MUSK: variants seen among roughly 807,000 people sequenced by gnomAD.
MUSK encodes the protein muscle associated receptor tyrosine kinase, also known as muscle, skeletal receptor tyrosine-protein kinase.
Under a neutral mutation model 88.7 loss-of-function variants are expected in MUSK, and 55 were observed. That is an observed-to-expected ratio of 0.62 (90% CI 0.50 to 0.78). The LOEUF is 0.78. MUSK is among the 30% of genes least tolerant of loss of function. The pLI, the probability that MUSK is intolerant of heterozygous loss-of-function variation, is 0.00. For missense variants in MUSK, 1,015 were observed against 1,074.3 expected, an observed-to-expected ratio of 0.94 and a Z score of 0.77; for synonymous variants, 387 against 391.9, an observed-to-expected ratio of 0.99 and a Z score of 0.15.
At chr9:110,722,400 C>T (rs538775510) in intron 5 of MUSK, among the ~76,000 whole-genome samples, 1 of 151,746 alleles carries the variant, frequency 6.6e-6, no homozygotes, top group Non-Finnish European at 1.5e-5. Flanking sequence ...TGTGGTGGTA[C>T]GTGCCTGTAG....
At position 110,755,921 on chromosome 9, in the gene MUSK, C is replaced by CAAATATATATACATAT. The variant is rs1554750736; in HGVS notation, c.914-6280_914-6279insAATATATATACATATA. On this transcript the variant is annotated intron_variant, in intron 7 of 14. Coordinates refer to ENST00000374448, the MANE Select transcript of MUSK (RefSeq NM_005592.4). ...AAGGTACATTCTCAGTGCCCAGTGC[C>CAAATATATATACATAT]ATATATATATACATATATATATATA... 6.2e-3 allele frequency among the ~76,000 whole-genome samples: 674 copies of CAAATATATATACATAT among 107,956 alleles called. 10 individuals are homozygous for CAAATATATATACATAT. The highest frequency in any genetic ancestry group is 0.02 in the Middle Eastern group (4 of 198). 70.8% of individuals were successfully genotyped at this position (107,956 alleles called of 152,430 possible). A position where few individuals can be genotyped will look rare whatever the true frequency, so the allele number is the denominator to read the frequency against.
At chr9:110,782,510 AAACT>A (rs1225360706) in intron 11 of MUSK, among the ~76,000 whole-genome samples, 3 of 152,218 alleles carry the variant, frequency 2.0e-5, no homozygotes, top group African/African-American at 4.8e-5. Flanking sequence ...CTTTTTAGAA[AAACT>A]AACCTTATAT....
At chr9:110,781,617 G>A (rs1314020465) in intron 11 of MUSK, among the ~76,000 whole-genome samples, 1 of 152,120 alleles carries the variant, frequency 6.6e-6, no homozygotes, top group Non-Finnish European at 1.5e-5. Flanking sequence ...ATAACAAAAT[G>A]CCACAGACTG....
At chr9:110,686,031 A>G (rs537743190) in intron 2 of MUSK, among the ~76,000 whole-genome samples, 26 of 152,258 alleles carry the variant, frequency 1.7e-4, no homozygotes, top group Non-Finnish European at 2.8e-4. Context: ...ACATAAACGT[A>G]CTATGTTACA....
At chr9:110,712,243 T>C (rs535930380) in intron 5 of MUSK, among the ~76,000 whole-genome samples, 3 of 152,214 alleles carry the variant, frequency 2.0e-5, no homozygotes, top group African/African-American at 7.2e-5. Flanking sequence ...CTATAGTAAG[T>C]ACTGTGTACT....
intron 5 of MUSK, among the ~76,000 whole-genome samples, chr9:110,711,317 G>A (rs942089740): frequency 6.6e-6 from 1 of 152,200 alleles, no homozygotes; most frequent in Non-Finnish European, 1.5e-5. Context: ...GGAGCTTCCT[G>A]CCAGCCTGGG....
intron 11 of MUSK, among the ~76,000 whole-genome samples, chr9:110,780,081 C>T (rs746096472): frequency 1.3e-5 from 2 of 152,124 alleles, no homozygotes; most frequent in Non-Finnish European, 2.9e-5. Context: ...TAGCCATTTT[C>T]TATTAATAGG....
chr9:110,761,270 C>T (rs759545610), intron 7 of MUSK, among the ~76,000 whole-genome samples: 1 of 152,170 alleles, frequency 6.6e-6, no homozygotes. Context: ...TGAGTTTTTA[C>T]ATCCGTGAGC....
rs60715454 is a variant in MUSK, at chr9:110,785,831, CAT to C, written c.1778+128_1778+129del. 0.22 allele frequency: 103,753 copies of C among 462,478 alleles called. 12,800 individuals are homozygous for C. The highest frequency in any genetic ancestry group is 0.55 in the African/African-American group (26,728 of 48,782). The allele number at this position is 462,478 out of a possible 1,614,324, so 28.6% of individuals were successfully genotyped here. A position where few individuals can be genotyped will look rare whatever the true frequency, so the allele number is the denominator to read the frequency against. On this transcript the variant is annotated intron_variant, in intron 13 of 14. Transcript: ENST00000374448. The stretch of plus-strand genomic sequence containing the variant: ...TTAGCTTTATATATATATACACACA[CAT>C]ATATATATATATATCAAGCTAATGA...
At chr9:110,776,059 C>T in intron 10 of MUSK, 96 bp downstream of exon 10, 2 of 1,357,060 alleles carry the variant, frequency 1.5e-6, no homozygotes, top group Middle Eastern at 2.2e-4. Context: ...TATTTCTAGG[C>T]ATTTCTAATT....
intron 7 of MUSK, chr9:110,761,894 T>G: frequency 1.0e-6 from 1 of 985,304 alleles, no homozygotes; most frequent in Non-Finnish European, 1.2e-6. Flanking sequence ...TTTCTTAATG[T>G]AAAGTCCCTG....
intron 1 of MUSK, among the ~76,000 whole-genome samples, chr9:110,675,813 G>A (rs113071852): frequency 0.023 from 3,406 of 151,196 alleles, 142 homozygotes; most frequent in African/African-American, 0.079. Context: ...TCCCCGCCTC[G>A]GCCTCCCAAA....
intron 1 of MUSK, among the ~76,000 whole-genome samples, chr9:110,681,008 A>ATATAATATATATTATATAT (rs2076103650): frequency 8.0e-5 from 3 of 37,370 alleles, no homozygotes; most frequent in Non-Finnish European, 1.4e-4. Context: ...ATATTATATT[A>ATATAATATATATTATATAT]TATATAATAT....
intron 5 of MUSK, among the ~76,000 whole-genome samples, chr9:110,706,893 A>G (rs992149294): frequency 2.6e-5 from 4 of 152,120 alleles, no homozygotes; most frequent in Non-Finnish European, 4.4e-5. Flanking sequence ...AATCCCAGCT[A>G]CTCAGGAGGC....
chr9:110,728,631 GTTGTT>G, intron 5 of MUSK: 1 of 1,122,352 alleles, frequency 8.9e-7, no homozygotes. Context: ...TTCATGATGT[GTTGTT>G]TTGTTTGCGT....
chr9:110,739,507 C>A (rs185043329), intron 6 of MUSK, among the ~76,000 whole-genome samples: 1 of 152,208 alleles, frequency 6.6e-6, no homozygotes, highest in East Asian at 1.9e-4. Context: ...CCTAGGATTC[C>A]AAGTATTCAC....
chr9:110,785,776 C>A, intron 13 of MUSK, 58 bp downstream of exon 13: 1 of 1,315,408 alleles, frequency 7.6e-7, no homozygotes. Flanking sequence ...TGAAAAGCTA[C>A]CAAACTATTA....
Position 110,800,954 on chromosome 9 carries a change from T to C in MUSK, c.2576T>C (p.Met859Thr). ...FTSIHRILER[M>T]CERAEGTVSV ...AGTATTCACCGAATTCTGGAACGCA[T>C]GTGTGAGAGGGCAGAGGGAACTGTG... The change falls in exon 15 of 15, where the codon ATG (methionine) becomes ACG (threonine). Residue 859 changes from methionine (M) to threonine (T), a missense_variant. Transcript: ENST00000374448. The C allele has an allele frequency of 1.3e-6, 2 of 1,522,812 alleles. No individual in the cohort carries two copies. Among genetic ancestry groups the C allele is most frequent in the Non-Finnish European group, 1.8e-6 (2 of 1,137,312 alleles). The allele number at this position is 1,522,812 out of a possible 1,614,324, so 94.3% of individuals were successfully genotyped here.
Position 110,800,605 on chromosome 9 carries a change from G to T in MUSK, c.2227G>T (p.Asp743Tyr). ...CGAGAACATGGTGGTGAAAATTGCCGACTTTGGCCTCTCCAGGAACATCTA... is the reference window on the plus strand; with the variant it reads ...CGAGAACATGGTGGTGAAAATTGCCTACTTTGGCCTCTCCAGGAACATCTA... Reference protein sequence around the residue: ...VGENMVVKIADFGLSRNIYSA... With the variant: ...VGENMVVKIAYFGLSRNIYSA... The change falls in exon 15 of 15, where the codon GAC (aspartate) becomes TAC (tyrosine). Residue 743 changes from aspartate to tyrosine, a missense_variant. Asp to Tyr is a radical substitution (Grantham distance 160). Coordinates refer to ENST00000374448, the MANE Select transcript of MUSK (RefSeq NM_005592.4). 1 of 1,613,480 alleles carries T rather than the reference G, an allele frequency of 6.2e-7. No homozygotes were observed. The highest frequency in any genetic ancestry group is 1.1e-5 in the South Asian group (1 of 91,004).
Sources: gnomAD v4.1 joint callset for allele counts (sites outside exome capture counted in the v4.1 genomes callset) on GRCh38, gnomAD v4.1.1 for gene constraint, MANE v1.5 for transcripts, NCBI Gene and HGNC (gene_info 2026-07-23, HGNC 2026-07-21) for gene names.